The following SLC34A2 variants were observed in gnomAD, a reference collection of about 807,000 sequenced individuals.
SLC34A2 encodes sodium-dependent phosphate transport protein 2B.
In SLC34A2, 41 loss-of-function variants were observed where a neutral mutation model predicts 50.8. That is an observed-to-expected ratio of 0.81 (90% CI 0.63 to 1.05). The LOEUF is 1.05. Among genes scored for constraint, SLC34A2 ranks in the 50% least tolerant of loss-of-function variants. The pLI, the probability that SLC34A2 is intolerant of heterozygous loss-of-function variation, is 0.00. For synonymous variants in SLC34A2, 401 were observed against 364.2 expected, an observed-to-expected ratio of 1.10 and a Z score of -1.15; for missense variants, 879 against 876.7, an observed-to-expected ratio of 1.00 and a Z score of -0.03.
Position 25,676,525 on chromosome 4 carries a change from C to A in SLC34A2, c.1849C>A (p.Arg617Ser). 6.2e-7 allele frequency: 1 copy of A among 1,613,676 alleles called. No individual in the cohort carries two copies. Among genetic ancestry groups the A allele is most frequent in the Non-Finnish European group, 8.5e-7 (1 of 1,179,724 alleles). ...CAAGTTCACCGGCTGCTTCCAGATG[C>A]GCTGCTGCTGCTGCTGCCGCGTGTG... ...VSKFTGCFQMRCCCCCRVCCR... is the reference protein window; with the variant it reads ...VSKFTGCFQMSCCCCCRVCCR... The change falls in exon 13 of 13, where the codon CGC (arginine) becomes AGC (serine). Residue 617 changes from arginine (R) to serine (S), a missense_variant. Coordinates refer to ENST00000382051, the MANE Select transcript of SLC34A2 (RefSeq NM_006424.3).
rs1251501328 is a variant in SLC34A2, at chr4:25,674,335, C to A, written c.1256C>A (p.Ala419Asp). ...TTTGCATGGTTGACTGGCTACCTGG[C>A]CATCCTCGTCGGGGCAGGCATGACC... ...FPFAWLTGYLAILVGAGMTFI... is the reference protein window; with the variant it reads ...FPFAWLTGYLDILVGAGMTFI... The change falls in exon 11 of 13, where the codon GCC (alanine) becomes GAC (aspartate). Residue 419 changes from alanine to aspartate, a missense_variant. Transcript: ENST00000382051. 1 of 1,614,138 alleles carries A rather than the reference C, an allele frequency of 6.2e-7. No homozygotes were observed. Among genetic ancestry groups the A allele is most frequent in the Non-Finnish European group, 8.5e-7 (1 of 1,180,032 alleles).
chr4:25,666,032 G>C (rs2109052691), intron 4 of SLC34A2, 96 bp from the exon 5 acceptor site: 1 of 1,513,980 alleles, frequency 6.6e-7, no homozygotes, highest in Non-Finnish European at 9.1e-7. Flanking sequence ...CCCACAGCCA[G>C]CTGGCCTTGG....
At position 25,666,243 on chromosome 4, in the gene SLC34A2, C is replaced by T; in HGVS notation, c.495C>T (p.Ser165=). 1 of 1,614,010 alleles carries T rather than the reference C, an allele frequency of 6.2e-7. No homozygotes were observed. Among genetic ancestry groups the T allele is most frequent in the Non-Finnish European group, 8.5e-7 (1 of 1,180,030 alleles). The change falls in exon 5 of 13, where the codon TCC becomes TCT. Residue 165 remains serine, a synonymous_variant. Coordinates refer to ENST00000382051, the MANE Select transcript of SLC34A2 (RefSeq NM_006424.3). The stretch of plus-strand genomic sequence containing the variant: ...TGCAGAGCTCCAGCACCTCAACGTC[C>T]ATCGTTGTCAGCATGGTGTCCTCTT... ...VLVQSSSTST[S]IVVSMVSSSL... is the part of the protein sequence containing the mutation.
intron 5 of SLC34A2, 87 bp downstream of exon 5, chr4:25,666,358 C>G: frequency 1.3e-5 from 19 of 1,458,482 alleles, no homozygotes; most frequent in Non-Finnish European, 1.8e-5. Context: ...GGAATTCACT[C>G]TGAATATGTC....
chr4:25,660,789 C>G (rs1392650461), intron 1 of SLC34A2, among the ~76,000 whole-genome samples: 2 of 152,218 alleles, frequency 1.3e-5, no homozygotes, highest in Admixed American at 6.5e-5. Context: ...AGATGATCCA[C>G]CTGCCTCGGC....
intron 1 of SLC34A2, among the ~76,000 whole-genome samples, chr4:25,659,400 C>A (rs1349981692): frequency 6.6e-6 from 1 of 152,148 alleles, no homozygotes; most frequent in African/African-American, 2.4e-5. Flanking sequence ...AGATCCACTA[C>A]CATGCTGAGC....
chr4:25,663,514 T>C (rs558027789), intron 3 of SLC34A2, among the ~76,000 whole-genome samples: 1 of 152,292 alleles, frequency 6.6e-6, no homozygotes, highest in South Asian at 2.1e-4. Flanking sequence ...AAAGAAAATA[T>C]GCAGCCAGAC....
Position 25,669,422 on chromosome 4 carries a change from G to A in SLC34A2, c.636-225G>A, listed in dbSNP as rs1052126007. On this transcript the variant is annotated intron_variant, in intron 6 of 12. Transcript: ENST00000382051. ...GATTGCTGAGCTAATTATTCCAGCC[G>A]TAACATGCTTGCTGGCCCGCAGCTT... Among the ~76,000 whole-genome samples the A allele has an allele frequency of 3.9e-5, 6 of 152,150 alleles. No individual in the cohort carries two copies. The East Asian group carries it at 5.8e-4, about 15-fold the overall frequency.
intron 3 of SLC34A2, among the ~76,000 whole-genome samples, 160 bp downstream of exon 3, chr4:25,663,002 T>G (rs1040872825): frequency 4.0e-5 from 6 of 151,282 alleles, no homozygotes; most frequent in Non-Finnish European, 8.8e-5. Flanking sequence ...TTAGACGGAG[T>G]CTTGCTCTGT....
At chr4:25,663,367 T>G (rs545449767) in intron 3 of SLC34A2, among the ~76,000 whole-genome samples, 3 of 152,172 alleles carry the variant, frequency 2.0e-5, no homozygotes, top group Non-Finnish European at 4.4e-5. Context: ...TCTGGCTCCT[T>G]ATAATTCGCT....
At chr4:25,669,577 TA>T in intron 6 of SLC34A2, 69 bp from the exon 7 acceptor site, 2 of 1,379,316 alleles carry the variant, frequency 1.4e-6, no homozygotes, top group Non-Finnish European at 2.1e-6. Flanking sequence ...ATGATACAGG[TA>T]ATGACCCACC....
chr4:25,665,610 C>A (rs189570947), intron 4 of SLC34A2, among the ~76,000 whole-genome samples: 311 of 152,220 alleles, frequency 2.0e-3, no homozygotes, highest in African/African-American at 7.3e-3. Flanking sequence ...TTGATGGTCT[C>A]AGGTACACTC....
chr4:25,660,546 A>G (rs1714123027), intron 1 of SLC34A2, among the ~76,000 whole-genome samples: 2 of 152,076 alleles, frequency 1.3e-5, no homozygotes, highest in South Asian at 4.2e-4. Flanking sequence ...AATATATGGG[A>G]TTGCTTCTGT....
intron 8 of SLC34A2, among the ~76,000 whole-genome samples, chr4:25,671,382 G>A (rs1202995595): frequency 6.6e-6 from 1 of 152,112 alleles, no homozygotes; most frequent in African/African-American, 2.4e-5. Flanking sequence ...CAAAGTAGAT[G>A]TTTTTAAATG....
intron 7 of SLC34A2, among the ~76,000 whole-genome samples, chr4:25,670,534 G>T (rs760711261): frequency 6.6e-6 from 1 of 152,094 alleles, no homozygotes; most frequent in African/African-American, 2.4e-5. Context: ...TGGTTTTCTT[G>T]GCCATTCAGT....
chr4:25,666,840 G>A (rs1189222720), intron 5 of SLC34A2: 1 of 152,914 alleles, frequency 6.5e-6, no homozygotes, highest in African/African-American at 2.4e-5. Flanking sequence ...TCTGATAATT[G>A]CTGCAGCTAC....
In SLC34A2 at chr4:25,676,226, G is replaced by C; in HGVS notation, c.1550G>C (p.Gly517Ala). ...CGCCTGCCCATCCGCATGGCCAAGGGGCTGGGCAACATCTCTGCCAAGTAT... is the reference window on the plus strand; with the variant it reads ...CGCCTGCCCATCCGCATGGCCAAGGCGCTGGGCAACATCTCTGCCAAGTAT... ...FTRLPIRMAKGLGNISAKYRW... is the reference protein window; with the variant it reads ...FTRLPIRMAKALGNISAKYRW... The change falls in exon 13 of 13, where the codon GGG becomes GCG. Residue 517 changes from glycine (G) to alanine (A), a missense_variant. Transcript: ENST00000382051. 6.2e-7 allele frequency: 1 copy of C among 1,614,180 alleles called. No homozygotes were observed. The highest frequency in any genetic ancestry group is 8.5e-7 in the Non-Finnish European group (1 of 1,180,040).
intron 6 of SLC34A2, among the ~76,000 whole-genome samples, chr4:25,668,900 T>C (rs1335119852): frequency 6.6e-6 from 1 of 151,278 alleles, no homozygotes; most frequent in Non-Finnish European, 1.5e-5. Context: ...GTTTTTTTTT[T>C]TTTTCAGTTT....
rs1362335015 is a variant in SLC34A2, at chr4:25,671,690, G to T, written c.1017G>T (p.Lys339Asn). Residue 339 changes from lysine (K) to asparagine (N), a missense_variant, in exon 9 of 13, where the codon AAG (lysine) becomes AAT (asparagine). By Grantham distance (94) the Lys-to-Asn change is moderately conservative. Transcript: ENST00000382051. ...ATGGCATCCAAAACTGGACCATGAAGAATGTGACCTACAAGGAGAACATCG... is the reference window on the plus strand; with the variant it reads ...ATGGCATCCAAAACTGGACCATGAATAATGTGACCTACAAGGAGAACATCG... Reference protein sequence around the residue: ...WTDGIQNWTMKNVTYKENIAK... With the variant: ...WTDGIQNWTMNNVTYKENIAK... 1.9e-6 allele frequency: 3 copies of T among 1,614,078 alleles called. No homozygotes were observed. The African/African-American group carries it at 4.0e-5, about 22-fold the overall frequency.
Sources: allele counts gnomAD v4.1 joint callset (sites outside exome capture counted in the v4.1 genomes callset), GRCh38; gene constraint gnomAD v4.1.1; transcripts MANE v1.5; gene names NCBI Gene and HGNC (gene_info 2026-07-23, HGNC 2026-07-21).